Variants in FAM13A observed in about 807,000 individuals in gnomAD.
The protein encoded by FAM13A is family with sequence similarity 13 member A.
A neutral mutation model predicts 129.6 loss-of-function variants in FAM13A; 76 were observed. That is an observed-to-expected ratio of 0.59 (90% CI 0.49 to 0.71). FAM13A has a LOEUF of 0.71. Among genes scored for constraint, FAM13A ranks in the 30% least tolerant of loss-of-function variants. FAM13A has a pLI of 0.00. For synonymous variants in FAM13A, 443 were observed against 449.9 expected, an observed-to-expected ratio of 0.98 and a Z score of 0.20; for missense variants, 1,108 against 1,249.3, an observed-to-expected ratio of 0.89 and a Z score of 1.70.
intron 5 of FAM13A, among the ~76,000 whole-genome samples, chr4:88,933,356 T>C (rs1753349284): frequency 1.3e-5 from 2 of 152,172 alleles, no homozygotes; most frequent in African/African-American, 2.4e-5. Flanking sequence ...CATAGACTAC[T>C]GTCCCCCTCA....
intron 3 of FAM13A, among the ~76,000 whole-genome samples, chr4:89,019,769 A>G (rs1387679421): frequency 6.6e-6 from 1 of 151,522 alleles, no homozygotes; most frequent in Non-Finnish European, 1.5e-5. Context: ...CTCAAAAAAA[A>G]AAAAAAAAAA....
intron 1 of FAM13A, among the ~76,000 whole-genome samples, chr4:89,042,948 T>C (rs760463297): frequency 6.6e-6 from 1 of 152,196 alleles, no homozygotes; most frequent in South Asian, 2.1e-4. Flanking sequence ...CCAATAAAAA[T>C]GTTGTGTTAT....
At chr4:88,990,846 C>G in intron 4 of FAM13A, 127 bp downstream of exon 4, 1 of 689,596 alleles carries the variant, frequency 1.5e-6, no homozygotes, top group Non-Finnish European at 2.4e-6. Context: ...GAACAAGATA[C>G]AACTTCTCCA....
At chr4:88,897,013 G>A (rs112458978) in intron 6 of FAM13A, among the ~76,000 whole-genome samples, 1 of 152,204 alleles carries the variant, frequency 6.6e-6, no homozygotes, top group Non-Finnish European at 1.5e-5. Flanking sequence ...CAAGGGAAAA[G>A]AGAAGGAAGA....
Position 88,845,859 on chromosome 4 carries a change from C to T in FAM13A, c.1007+5161G>A, listed in dbSNP as rs527954653. ...AGAAAGTACTTTTAGAATAGAACAA[C>T]TCTCATCTGAAACACACTGTCCCAT... On this transcript the variant is annotated intron_variant, in intron 7 of 23. Coordinates refer to ENST00000264344, the MANE Select transcript of FAM13A (RefSeq NM_014883.4). 1.1e-3 allele frequency among the ~76,000 whole-genome samples: 163 copies of T among 152,230 alleles called. 1 individual carries two copies. Among genetic ancestry groups the T allele is most frequent in the Admixed American group, 1.8e-3 (28 of 15,282 alleles).
chr4:88,747,769 G>A lies in FAM13A; in HGVS notation c.2244C>T (p.Ser748=). ...RSNTLPKSFG[S]QLEKEDEKKQ... ...TCTTCTCATCTTCTTTCTCAAGTTGGGAACCAAAACTCTTGGGGAGTGTGT... is the reference window on the plus strand; with the variant it reads ...TCTTCTCATCTTCTTTCTCAAGTTGAGAACCAAAACTCTTGGGGAGTGTGT... The change falls in exon 18 of 24, where the codon TCC becomes TCT. Residue 748 remains serine (S), a synonymous_variant. Coordinates refer to ENST00000264344, the MANE Select transcript of FAM13A (RefSeq NM_014883.4). The A allele has an allele frequency of 6.2e-7, 1 of 1,614,132 alleles. No homozygotes were observed. Among genetic ancestry groups the A allele is most frequent in the Non-Finnish European group, 8.5e-7 (1 of 1,180,002 alleles).
intron 1 of FAM13A, among the ~76,000 whole-genome samples, chr4:89,033,131 C>T (rs7669872): frequency 6.7e-6 from 1 of 149,894 alleles, no homozygotes; most frequent in Non-Finnish European, 1.5e-5. Context: ...AACACACACA[C>T]ACACACTCTC....
chr4:89,016,825 C>A (rs371758509), intron 3 of FAM13A, among the ~76,000 whole-genome samples: 12 of 152,136 alleles, frequency 7.9e-5, no homozygotes, highest in Middle Eastern at 6.8e-3. Context: ...TGTAGAGATG[C>A]GGTTTTGCCA....
intron 2 of FAM13A, among the ~76,000 whole-genome samples, chr4:89,026,441 A>G (rs1767970278): frequency 6.6e-6 from 1 of 152,232 alleles, no homozygotes; most frequent in South Asian, 2.1e-4. Flanking sequence ...CTGGCTCTTA[A>G]GTTTTCAGAA....
At chr4:88,861,839 C>T (rs1739544484) in intron 6 of FAM13A, among the ~76,000 whole-genome samples, 1 of 152,082 alleles carries the variant, frequency 6.6e-6, no homozygotes, top group South Asian at 2.1e-4. Context: ...TTTAAAAACC[C>T]TATGAAATAG....
chr4:89,024,799 G>A (rs1468859257), intron 2 of FAM13A, among the ~76,000 whole-genome samples: 4 of 152,080 alleles, frequency 2.6e-5, no homozygotes, highest in Admixed American at 6.5e-5. Context: ...GTTTGTCTAC[G>A]TAGTAATTAA....
At chr4:89,010,726 C>A (rs1186028018) in intron 3 of FAM13A, among the ~76,000 whole-genome samples, 1 of 152,162 alleles carries the variant, frequency 6.6e-6, no homozygotes, top group African/African-American at 2.4e-5. Flanking sequence ...TGGCCCTCTG[C>A]CATCATGTGG....
At chr4:88,950,243 T>C (rs935620428) in intron 4 of FAM13A, among the ~76,000 whole-genome samples, 2 of 151,530 alleles carry the variant, frequency 1.3e-5, no homozygotes, top group Non-Finnish European at 2.9e-5. Context: ...GGTCTTGTTA[T>C]GTTGCCCAGG....
rs577460374 is a variant in FAM13A at position 88,915,486 on chromosome 4, G to A, written c.760-9024C>T. 2.0e-5 allele frequency among the ~76,000 whole-genome samples: 3 copies of A among 152,202 alleles called. No homozygotes were observed. In the East Asian group the frequency reaches 5.8e-4, roughly 29 times the overall value. On this transcript the variant is annotated intron_variant, in intron 5 of 23. Transcript: ENST00000264344. ...ACTAATTATAATTACTTTATGAACT[G>A]CAACAATAATATTCACAGGTAGAAC... is the stretch of plus-strand genomic sequence containing the variant.
intron 4 of FAM13A, among the ~76,000 whole-genome samples, chr4:88,959,668 A>G (rs1193956307): frequency 6.6e-6 from 1 of 152,228 alleles, no homozygotes; most frequent in Non-Finnish European, 1.5e-5. Flanking sequence ...AGTCTCAGGT[A>G]TTTCTTTACA....
chr4:89,029,550 CTCCAAATAACT>C lies in FAM13A; in HGVS notation c.116_126del (p.Lys39SerfsTer7), dbSNP rs758233834. The stretch of plus-strand genomic sequence containing the variant: ...TGCCGTTCAAGTTCTTGGAGACTGA[CTCCAAATAACT>C]TCTGATAGGTAAAATCCTTCTGTTC... On this transcript the variant is annotated frameshift_variant, in exon 2 of 24. Transcript: ENST00000264344. LOFTEE classifies it high-confidence loss of function. 13 of 1,595,684 alleles carry C rather than the reference CTCCAAATAACT, an allele frequency of 8.1e-6. No individual in the cohort carries two copies. Among genetic ancestry groups the C allele is most frequent in the Non-Finnish European group, 1.1e-5 (13 of 1,174,866 alleles).
At chr4:88,737,686 C>G (rs968360844) in intron 20 of FAM13A, 131 bp from the exon 21 acceptor site, 3 of 740,672 alleles carry the variant, frequency 4.1e-6, no homozygotes, top group Non-Finnish European at 6.9e-6. Context: ...CTGCCAAACA[C>G]TCCCAGGAAA....
intron 6 of FAM13A, among the ~76,000 whole-genome samples, chr4:88,897,715 C>T (rs546249594): frequency 2.9e-4 from 44 of 152,180 alleles, no homozygotes; most frequent in African/African-American, 1.0e-3. Flanking sequence ...ACTAAGTCAC[C>T]CTAGAAAGGA....
At chr4:88,904,635 G>A (rs2150224938) in intron 6 of FAM13A, among the ~76,000 whole-genome samples, 1 of 152,240 alleles carries the variant, frequency 6.6e-6, no homozygotes, top group South Asian at 2.1e-4. Flanking sequence ...CTTAGGGTGA[G>A]GGAATAAGCA....
Sources: allele counts gnomAD v4.1 joint callset (sites outside exome capture counted in the v4.1 genomes callset), GRCh38; gene constraint gnomAD v4.1.1; transcripts MANE v1.5; gene names NCBI Gene and HGNC (gene_info 2026-07-23, HGNC 2026-07-21).